The following LTBP1 variants were observed in gnomAD, a reference collection of about 807,000 sequenced individuals.
LTBP1 encodes latent transforming growth factor beta binding protein 1, also known as latent-transforming growth factor beta-binding protein 1.
LTBP1 carries 129 observed loss-of-function variants against 207.6 expected under a neutral mutation model. The ratio of observed to expected loss-of-function variants is 0.62; its 90% CI spans 0.54 to 0.72. The LOEUF (loss-of-function observed/expected upper bound fraction) is 0.72, where lower values mean the gene tolerates loss of function less well. Among genes scored for constraint, LTBP1 ranks in the 30% least tolerant of loss-of-function variants. The probability of loss-of-function intolerance (pLI) is 0.00; values close to 1 mark genes in which losing one functional copy is unlikely to be tolerated. For synonymous variants in LTBP1, 963 were observed against 833.7 expected (o/e 1.16, Z -2.67); for missense variants, 2,281 against 2,217.2 (o/e 1.03, Z -0.58).
At chr2:33,341,729 A>AAATATATATAT (rs745445793) in intron 24 of LTBP1, among the ~76,000 whole-genome samples, 1,759 of 93,572 alleles carry the variant, frequency 0.019, 27 homozygotes, top group Non-Finnish European at 0.023. Context: ...AAAAAAAAAA[A>AAATATATATAT]ATATATATAT....
At chr2:33,043,174 CATT>C (rs376511037) in intron 3 of LTBP1, among the ~76,000 whole-genome samples, 9 of 152,298 alleles carry the variant, frequency 5.9e-5, no homozygotes, top group Non-Finnish European at 1.0e-4. Context: ...AGCTTGAAAA[CATT>C]ATGGCAGGAA....
intron 3 of LTBP1, among the ~76,000 whole-genome samples, chr2:33,086,236 G>T (rs1330569917): frequency 6.6e-6 from 1 of 152,200 alleles, no homozygotes; most frequent in Non-Finnish European, 1.5e-5. Context: ...CAAGAACAAG[G>T]CTGAAAATGG....
intron 27 of LTBP1, 96 bp downstream of exon 27, chr2:33,360,875 A>G: frequency 9.2e-7 from 1 of 1,082,506 alleles, no homozygotes. Context: ...AGCCAACTCA[A>G]GGCGACTTAC....
At chr2:33,061,623 TCGCG>T (rs2077274646) in intron 3 of LTBP1, among the ~76,000 whole-genome samples, 1 of 152,210 alleles carries the variant, frequency 6.6e-6, no homozygotes, top group Non-Finnish European at 1.5e-5. Flanking sequence ...GTTAATACTG[TCGCG>T]TGAATAAGCA....
intron 24 of LTBP1, among the ~76,000 whole-genome samples, chr2:33,321,396 C>T (rs530426884): frequency 1.2e-4 from 19 of 152,220 alleles, no homozygotes; most frequent in African/African-American, 2.9e-4. Flanking sequence ...ATATCACAAC[C>T]GAGAGAAGGT....
At chr2:33,061,259 G>T (rs1167013034) in intron 3 of LTBP1, 1 of 152,026 alleles carries the variant, frequency 6.6e-6, no homozygotes, top group African/African-American at 2.4e-5. Flanking sequence ...CACACATCAT[G>T]AGTATATGTT....
intron 24 of LTBP1, among the ~76,000 whole-genome samples, chr2:33,321,673 G>T (rs73925686): frequency 0.013 from 1,927 of 152,284 alleles, 32 homozygotes; most frequent in African/African-American, 0.036. Flanking sequence ...TCAGCCAAGT[G>T]GGATGCTGAA....
At chr2:33,105,520 T>A (rs1430176115) in intron 3 of LTBP1, among the ~76,000 whole-genome samples, 2 of 151,658 alleles carry the variant, frequency 1.3e-5, no homozygotes, top group Admixed American at 1.3e-4. Context: ...CATTGCAACC[T>A]CCACCTCCTG....
chr2:33,341,380 TTTTG>T (rs1389309595), intron 24 of LTBP1, among the ~76,000 whole-genome samples: 3 of 151,732 alleles, frequency 2.0e-5, no homozygotes, highest in Non-Finnish European at 2.9e-5. Flanking sequence ...GATGTAGGTT[TTTTG>T]TTTGTTTGTT....
At chr2:33,223,563 GTTAAA>G (rs1311284818) in intron 9 of LTBP1, among the ~76,000 whole-genome samples, 1 of 152,154 alleles carries the variant, frequency 6.6e-6, no homozygotes, top group African/African-American at 2.4e-5. Context: ...GAATGAGTAG[GTTAAA>G]TTAAATAATG....
Position 33,235,959 on chromosome 2 carries a change from G to A in LTBP1, c.1877-7703G>A, listed in dbSNP as rs139913805. Reference sequence around the variant, plus strand: ...AGGAGAAATACCTAACGTAGATGGCGGGTTGATGGGTGCAGCAAACCACTA... The same window carrying A: ...AGGAGAAATACCTAACGTAGATGGCAGGTTGATGGGTGCAGCAAACCACTA... On this transcript the variant is annotated intron_variant, in intron 9 of 33. Transcript: ENST00000404816. Among the ~76,000 whole-genome samples, 315 of 152,264 alleles carry A rather than the reference G, an allele frequency of 2.1e-3. 2 individuals carry two copies. Among genetic ancestry groups the A allele is most frequent in the South Asian group, 0.011 (54 of 4,824 alleles).
At chr2:33,323,145 T>A (rs1218318042) in intron 24 of LTBP1, among the ~76,000 whole-genome samples, 1 of 152,178 alleles carries the variant, frequency 6.6e-6, no homozygotes, top group Admixed American at 6.5e-5. Flanking sequence ...AGCCTGCTTC[T>A]AGCACATTCT....
At chr2:33,272,070 T>A (rs2093333610) in intron 15 of LTBP1, among the ~76,000 whole-genome samples, 1 of 152,236 alleles carries the variant, frequency 6.6e-6, no homozygotes, top group Non-Finnish European at 1.5e-5. Context: ...TGACTTTGTG[T>A]AAAATGCTGA....
intron 4 of LTBP1, among the ~76,000 whole-genome samples, chr2:33,117,250 C>G (rs539667020): frequency 1.3e-5 from 2 of 152,182 alleles, no homozygotes; most frequent in Non-Finnish European, 2.9e-5. Context: ...CACACGAGGC[C>G]TCTTCTTTCT....
At chr2:33,257,132 C>A in intron 11 of LTBP1, 152 bp from the exon 12 acceptor site, 1 of 606,346 alleles carries the variant, frequency 1.6e-6, no homozygotes, top group South Asian at 2.8e-5. Context: ...GAAATTCGAG[C>A]AATTTGCTTA....
chr2:33,344,581 CT>C (rs1187330932), intron 25 of LTBP1, among the ~76,000 whole-genome samples: 1 of 152,204 alleles, frequency 6.6e-6, no homozygotes, highest in East Asian at 1.9e-4. Flanking sequence ...TCAGTGTCAT[CT>C]TCCAGACACC....
At chr2:33,061,113 C>G (rs1035884443) in intron 3 of LTBP1, among the ~76,000 whole-genome samples, 1 of 151,998 alleles carries the variant, frequency 6.6e-6, no homozygotes, top group Non-Finnish European at 1.5e-5. Context: ...ATAATTCAGT[C>G]TATATTTAGG....
intron 5 of LTBP1, among the ~76,000 whole-genome samples, chr2:33,172,339 G>T (rs1012545790): frequency 6.6e-6 from 1 of 152,078 alleles, no homozygotes; most frequent in Non-Finnish European, 1.5e-5. Flanking sequence ...ACAAAAAAAG[G>T]CAGGGGTTGC....
At chr2:32,972,103 T>C (rs912955168) in intron 2 of LTBP1, among the ~76,000 whole-genome samples, 5 of 134,164 alleles carry the variant, frequency 3.7e-5, no homozygotes, top group African/African-American at 5.2e-5. Flanking sequence ...TTTGCAAGAG[T>C]CTCTGAGTTT....
Sources: gnomAD v4.1 joint callset for allele counts (sites outside exome capture counted in the v4.1 genomes callset) on GRCh38, gnomAD v4.1.1 for gene constraint, MANE v1.5 for transcripts, NCBI Gene and HGNC (gene_info 2026-07-23, HGNC 2026-07-21) for gene names.